Variants in LEPROT observed in about 807,000 individuals in gnomAD.
The protein encoded by LEPROT is leptin receptor gene-related protein.
Under a neutral mutation model 15.4 loss-of-function variants are expected in LEPROT, and 3 were observed. The ratio of observed to expected loss-of-function variants is 0.19; its 90% CI spans 0.09 to 0.50. The LOEUF is 0.50. LEPROT is among the 20% of genes least tolerant of loss of function. The probability of loss-of-function intolerance (pLI) is 0.97; values close to 1 mark genes in which losing one functional copy is unlikely to be tolerated. For synonymous variants in LEPROT, 59 were observed against 57.5 expected, an observed-to-expected ratio of 1.03 and a Z score of -0.12; for missense variants, 137 against 162.2, an observed-to-expected ratio of 0.84 and a Z score of 0.84.
chr1:65,421,595 A>G (rs1156691995), intron 1 of LEPROT: 1 of 969,056 alleles, frequency 1.0e-6, no homozygotes, highest in East Asian at 2.6e-5. Flanking sequence ...TAGATAGTAT[A>G]TATACGAGTA....
chr1:65,425,113 T>A (rs1244694223), intron 1 of LEPROT, among the ~76,000 whole-genome samples, 190 bp from the exon 2 acceptor site: 2 of 152,228 alleles, frequency 1.3e-5, no homozygotes, highest in Non-Finnish European at 2.9e-5. Flanking sequence ...ATTCTTAAAG[T>A]GTAAGATTTC....
At chr1:65,427,866 C>A in intron 2 of LEPROT, 1 of 266,188 alleles carries the variant, frequency 3.8e-6, no homozygotes, top group Non-Finnish European at 7.8e-6. Flanking sequence ...GTCTTGAACT[C>A]CTGGCCTCAA....
rs1006817726 is a variant in LEPROT at position 65,434,153 on chromosome 1, A to G, written c.*2234A>G. ...ACTTGCATATAGAGTATTTGAAGTG[A>G]TAGATTATTAGATTTGCTCTATGTC... On this transcript the variant is annotated 3_prime_UTR_variant, in exon 4 of 4. Coordinates refer to ENST00000371065, the MANE Select transcript of LEPROT (RefSeq NM_017526.5). 9.1e-6 allele frequency: 9 copies of G among 984,272 alleles called. No individual in the cohort carries two copies. In the Admixed American group the frequency reaches 3.1e-4, roughly 34 times the overall value. 61.0% of individuals were successfully genotyped at this position (984,272 alleles called of 1,614,324 possible). A position where few individuals can be genotyped will look rare whatever the true frequency, so the allele number is the denominator to read the frequency against.
In LEPROT at chr1:65,432,530, C is replaced by T; in HGVS notation, c.*611C>T. The T allele has an allele frequency of 1.3e-6, 1 of 787,102 alleles. No homozygotes were observed. Among genetic ancestry groups the T allele is most frequent in the Admixed American group, 6.3e-5 (1 of 15,914 alleles). 48.8% of individuals were successfully genotyped at this position (787,102 alleles called of 1,614,324 possible). ...TTCCTTATCTTTCCAGTGGCTAAAC[C>T]ACTTAACCTCTCTGGGTGTTACCTG... On this transcript the variant is annotated 3_prime_UTR_variant, in exon 4 of 4. Transcript: ENST00000371065.
Position 65,421,497 on chromosome 1 carries a change from T to C in LEPROT, c.16+757T>C, listed in dbSNP as rs768182475. 1.3e-5 allele frequency: 20 copies of C among 1,535,036 alleles called. No individual in the cohort carries two copies. The South Asian group carries it at 2.0e-4, about 16-fold the overall frequency. ...TCCATTTCTAATCTGTCGAATAGAG[T>C]AGCATGACTTGTTTTTATATTGGCT... On this transcript the variant is annotated intron_variant, in intron 1 of 3. Coordinates refer to ENST00000371065, the MANE Select transcript of LEPROT (RefSeq NM_017526.5).
Position 65,434,652 on chromosome 1 carries a change from C to T in LEPROT, c.*2733C>T. The T allele has an allele frequency of 9.1e-6, 9 of 985,400 alleles. No individual in the cohort carries two copies. Among genetic ancestry groups the T allele is most frequent in the Non-Finnish European group, 1.1e-5 (9 of 829,942 alleles). The allele number at this position is 985,400 out of a possible 1,614,324, so 61.0% of individuals were successfully genotyped here. A position where few individuals can be genotyped will look rare whatever the true frequency, so the allele number is the denominator to read the frequency against. Reference sequence around the variant, plus strand: ...TTTGGAGGAAGGACAGTGCAACTTTCCACCCCTTTTCCTAAGAACAAGGTC... The same window carrying T: ...TTTGGAGGAAGGACAGTGCAACTTTTCACCCCTTTTCCTAAGAACAAGGTC... On this transcript the variant is annotated 3_prime_UTR_variant, in exon 4 of 4. Coordinates refer to ENST00000371065, the MANE Select transcript of LEPROT (RefSeq NM_017526.5).
Position 65,432,709 on chromosome 1 carries a change from G to T in LEPROT, c.*790G>T, listed in dbSNP as rs1646503366. The T allele has an allele frequency of 2.3e-6, 2 of 867,212 alleles. No homozygotes were observed. Among genetic ancestry groups the T allele is most frequent in the African/African-American group, 1.8e-5 (1 of 54,744 alleles). 53.7% of individuals were successfully genotyped at this position (867,212 alleles called of 1,614,324 possible). A position where few individuals can be genotyped will look rare whatever the true frequency, so the allele number is the denominator to read the frequency against. On this transcript the variant is annotated 3_prime_UTR_variant, in exon 4 of 4. Transcript: ENST00000371065. Reference sequence around the variant, plus strand: ...GTCAAAGGGTACAAAGCCTCAGTTAGGAGGAATAAGTGTGATTTTTTTTTA... The same window carrying T: ...GTCAAAGGGTACAAAGCCTCAGTTATGAGGAATAAGTGTGATTTTTTTTTA...
chr1:65,433,653 T>C lies in LEPROT; in HGVS notation c.*1734T>C, dbSNP rs1031568967. On this transcript the variant is annotated 3_prime_UTR_variant, in exon 4 of 4. Coordinates refer to ENST00000371065, the MANE Select transcript of LEPROT (RefSeq NM_017526.5). ...TGGCCTTGTTCATGATTTTATGTTT[T>C]CAGTGTCCTGTGTACATATAGAATT... is the stretch of plus-strand genomic sequence containing the variant. 23 of 985,206 alleles carry C rather than the reference T, an allele frequency of 2.3e-5. No homozygotes were observed. Among genetic ancestry groups the C allele is most frequent in the Non-Finnish European group, 2.8e-5 (23 of 829,810 alleles). The allele number at this position is 985,206 out of a possible 1,614,324, so 61.0% of individuals were successfully genotyped here. A position where few individuals can be genotyped will look rare whatever the true frequency, so the allele number is the denominator to read the frequency against.
At chr1:65,424,815 G>A (rs1646326780) in intron 1 of LEPROT, among the ~76,000 whole-genome samples, 1 of 151,986 alleles carries the variant, frequency 6.6e-6, no homozygotes, top group Admixed American at 6.5e-5. Context: ...TCTTATAAGG[G>A]CACTCATCCC....
At position 65,425,195 on chromosome 1, in the gene LEPROT, C is replaced by G. The variant is rs1162307554; in HGVS notation, c.17-108C>G. On this transcript the variant is annotated intron_variant, in intron 1 of 3. Transcript: ENST00000371065. ...TAATTCCAGAAAATTTACTCATCCG[C>G]CAAAGAAACTCTGGACCTATTAGAA... 9 of 869,500 alleles carry G rather than the reference C, an allele frequency of 1.0e-5. No individual in the cohort carries two copies. The East Asian group carries it at 2.0e-4, about 20-fold the overall frequency. The allele number at this position is 869,500 out of a possible 1,614,324, so 53.9% of individuals were successfully genotyped here.
At position 65,432,591 on chromosome 1, in the gene LEPROT, G is replaced by A. The variant is rs1191638178; in HGVS notation, c.*672G>A. ...TAAAAAAAAAAAAAAAGTCTCACCT[G>A]CTTTCATGCTGAGGACAAGTTCAGA... On this transcript the variant is annotated 3_prime_UTR_variant, in exon 4 of 4. Transcript: ENST00000371065. 7 of 978,674 alleles carry A rather than the reference G, an allele frequency of 7.2e-6. No homozygotes were observed. The African/African-American group carries it at 1.2e-4, about 17-fold the overall frequency. The allele number at this position is 978,674 out of a possible 1,614,324, so 60.6% of individuals were successfully genotyped here.
At chr1:65,431,756 C>T in intron 3 of LEPROT, 47 bp from the exon 4 acceptor site, 2 of 1,585,482 alleles carry the variant, frequency 1.3e-6, no homozygotes, top group Non-Finnish European at 1.7e-6. Context: ...GCAAAGAGTA[C>T]AATATGAAGG....
chr1:65,425,784 A>G (rs1219641963), intron 2 of LEPROT, among the ~76,000 whole-genome samples: 1 of 152,206 alleles, frequency 6.6e-6, no homozygotes, highest in Non-Finnish European at 1.5e-5. Context: ...ACAGTCAGGG[A>G]AGGCTGCATG....
At position 65,432,366 on chromosome 1, in the gene LEPROT, C is replaced by T. The variant is rs944456242; in HGVS notation, c.*447C>T. On this transcript the variant is annotated 3_prime_UTR_variant, in exon 4 of 4. Coordinates refer to ENST00000371065, the MANE Select transcript of LEPROT (RefSeq NM_017526.5). ...GTGGCCCACAGACCAAGAGCCTCAACATTTCCTAGAGCCTTATTAGAAATG... is the reference window on the plus strand; with the variant it reads ...GTGGCCCACAGACCAAGAGCCTCAATATTTCCTAGAGCCTTATTAGAAATG... 1 of 965,614 alleles carries T rather than the reference C, an allele frequency of 1.0e-6. No homozygotes were observed. Among genetic ancestry groups the T allele is most frequent in the African/African-American group, 1.8e-5 (1 of 56,868 alleles). 59.8% of individuals were successfully genotyped at this position (965,614 alleles called of 1,614,324 possible). A position where few individuals can be genotyped will look rare whatever the true frequency, so the allele number is the denominator to read the frequency against.
chr1:65,435,880 G>A lies in LEPROT; in HGVS notation c.*3961G>A. 1 of 984,016 alleles carries A rather than the reference G, an allele frequency of 1.0e-6. No homozygotes were observed. Among genetic ancestry groups the A allele is most frequent in the African/African-American group, 1.7e-5 (1 of 57,290 alleles). 61.0% of individuals were successfully genotyped at this position (984,016 alleles called of 1,614,324 possible). ...TACCTTATTGCAAAAATCCCACTGA[G>A]TAATAGCTCATAAATTATAATCTTT... On this transcript the variant is annotated 3_prime_UTR_variant, in exon 4 of 4. Coordinates refer to ENST00000371065, the MANE Select transcript of LEPROT (RefSeq NM_017526.5).
At chr1:65,421,244 G>A in intron 1 of LEPROT, 1 of 1,385,738 alleles carries the variant, frequency 7.2e-7, no homozygotes, top group East Asian at 2.5e-5. Context: ...CACCCAGAAA[G>A]ACGGTGTTTC....
At chr1:65,431,582 T>C (rs577956788) in intron 3 of LEPROT, among the ~76,000 whole-genome samples, 1 of 152,350 alleles carries the variant, frequency 6.6e-6, no homozygotes, top group East Asian at 1.9e-4. Flanking sequence ...ATATGTCTAA[T>C]TGGGAACATG....
rs1646517489 is a variant in LEPROT at position 65,433,559 on chromosome 1, AGCAG to A, written c.*1642_*1645del. ...CTTGAGGCTTGTGATCTGAGTAATTAGCAGGTATGATGCTGGGACTGGAAAATAG... is the reference window on the plus strand; with the variant it reads ...CTTGAGGCTTGTGATCTGAGTAATTAGTATGATGCTGGGACTGGAAAATAG... On this transcript the variant is annotated 3_prime_UTR_variant, in exon 4 of 4. Coordinates refer to ENST00000371065, the MANE Select transcript of LEPROT (RefSeq NM_017526.5). 1.0e-6 allele frequency: 1 copy of A among 984,830 alleles called. No homozygotes were observed. Among genetic ancestry groups the A allele is most frequent in the Admixed American group, 6.2e-5 (1 of 16,258 alleles). The allele number at this position is 984,830 out of a possible 1,614,324, so 61.0% of individuals were successfully genotyped here.
rs994212259 is a variant in LEPROT, at chr1:65,434,532, C to G, written c.*2613C>G. The stretch of plus-strand genomic sequence containing the variant: ...TTGGTGATTGAGTTCCCAGGCCAAG[C>G]CTCCCTCAACAGGTTCAACTCTAAT... On this transcript the variant is annotated 3_prime_UTR_variant, in exon 4 of 4. Transcript: ENST00000371065. 4.1e-6 allele frequency: 4 copies of G among 984,944 alleles called. No individual in the cohort carries two copies. The East Asian group carries it at 4.5e-4, about 112-fold the overall frequency. 61.0% of individuals were successfully genotyped at this position (984,944 alleles called of 1,614,324 possible). A position where few individuals can be genotyped will look rare whatever the true frequency, so the allele number is the denominator to read the frequency against.
Sources: allele counts gnomAD v4.1 joint callset (sites outside exome capture counted in the v4.1 genomes callset), GRCh38; gene constraint gnomAD v4.1.1; transcripts MANE v1.5; gene names NCBI Gene and HGNC (gene_info 2026-07-23, HGNC 2026-07-21).